Variants in CDH4 observed in about 807,000 individuals in gnomAD.
CDH4 encodes cadherin-4.
CDH4 carries 33 observed loss-of-function variants against 86.0 expected under a neutral mutation model. That is an observed-to-expected ratio of 0.38 (90% CI 0.29 to 0.51). The LOEUF (loss-of-function observed/expected upper bound fraction) is 0.51, where lower values mean the gene tolerates loss of function less well. Ranked by LOEUF, CDH4 falls within the 20% of genes least tolerant of loss-of-function variation. The pLI is 0.86. For synonymous variants in CDH4, 555 were observed against 549.4 expected (o/e 1.01, Z -0.14); for missense variants, 1,114 against 1,307.4 (o/e 0.85, Z 2.28).
At chr20:61,925,483 G>A (rs2055035228) in intron 11 of CDH4, among the ~76,000 whole-genome samples, 2 of 152,220 alleles carry the variant, frequency 1.3e-5, no homozygotes, top group Admixed American at 6.5e-5. Flanking sequence ...CACTGAGGAA[G>A]GGCCTGGCTC....
intron 2 of CDH4, among the ~76,000 whole-genome samples, chr20:61,585,957 T>A (rs184814938): frequency 1.5e-3 from 208 of 140,738 alleles, no homozygotes; most frequent in Non-Finnish European, 2.6e-3. Context: ...ATGAGGAGGA[T>A]GATGGTGATG....
At chr20:61,695,583 T>C (rs1211457278) in intron 2 of CDH4, among the ~76,000 whole-genome samples, 2 of 152,130 alleles carry the variant, frequency 1.3e-5, no homozygotes, top group East Asian at 3.9e-4. Flanking sequence ...CTCGGGACCT[T>C]GTGAGGTTCC....
At chr20:61,923,044 G>T (rs1043347872) in intron 9 of CDH4, among the ~76,000 whole-genome samples, 4 of 152,182 alleles carry the variant, frequency 2.6e-5, no homozygotes, top group African/African-American at 9.7e-5. Context: ...CTGACCCTCC[G>T]CAACTGGTGA....
intron 4 of CDH4, among the ~76,000 whole-genome samples, chr20:61,777,280 G>C (rs1021779577): frequency 6.6e-6 from 1 of 152,050 alleles, no homozygotes; most frequent in Admixed American, 6.5e-5. Flanking sequence ...AGTGATAGAC[G>C]TGATCTCAGT....
chr20:61,293,272 A>G (rs2123187454), intron 2 of CDH4, among the ~76,000 whole-genome samples: 1 of 152,254 alleles, frequency 6.6e-6, no homozygotes, highest in East Asian at 1.9e-4. Context: ...GAGGAGGATG[A>G]GGGTGGATGA....
chr20:61,510,407 GC>G lies in CDH4; in HGVS notation c.170-233152del, dbSNP rs1804494701. 6.6e-6 allele frequency among the ~76,000 whole-genome samples: 1 copy of G among 152,198 alleles called. No individual in the cohort carries two copies. Among genetic ancestry groups the G allele is most frequent in the South Asian group, 2.1e-4 (1 of 4,826 alleles). ...TTTGTGTGGAAGCTGGAGTTGGCCA[GC>G]CCCTGCCTTAGCCTCTGTCAAAGAG... is the stretch of plus-strand genomic sequence containing the variant. On this transcript the variant is annotated intron_variant, in intron 2 of 15. Transcript: ENST00000614565. The surrounding 1 kb of genome is among the most constrained non-coding windows in gnomAD (Gnocchi z 4.2).
chr20:61,350,525 G>A lies in CDH4; in HGVS notation c.169+95588G>A, dbSNP rs143419029. On this transcript the variant is annotated intron_variant, in intron 2 of 15. Transcript: ENST00000614565. ...CTCCCCCAGTGCTGCAGAGGCCAGC[G>A]GAACACCTCTGACCTTGCCTCTCCC... 2.9e-3 allele frequency among the ~76,000 whole-genome samples: 373 copies of A among 127,200 alleles called. 17 individuals are homozygous for A. Among genetic ancestry groups the A allele is most frequent in the African/African-American group, 8.5e-3 (252 of 29,702 alleles). The allele number at this position is 127,200 out of a possible 152,430, so 83.4% of individuals were successfully genotyped here. A position where few individuals can be genotyped will look rare whatever the true frequency, so the allele number is the denominator to read the frequency against.
chr20:61,671,152 G>A (rs1020877429), intron 2 of CDH4, among the ~76,000 whole-genome samples: 1 of 151,980 alleles, frequency 6.6e-6, no homozygotes, highest in African/African-American at 2.4e-5. Context: ...GGGTGGATGG[G>A]TGGGTGGATC....
intron 2 of CDH4, among the ~76,000 whole-genome samples, chr20:61,512,232 G>A (rs1273145423): frequency 6.6e-6 from 1 of 152,076 alleles, no homozygotes; most frequent in Non-Finnish European, 1.5e-5. Context: ...GTGGGCAGTC[G>A]CCTCACCAGG....
intron 2 of CDH4, among the ~76,000 whole-genome samples, chr20:61,453,680 T>C (rs1324857894): frequency 6.6e-6 from 1 of 152,216 alleles, no homozygotes; most frequent in Non-Finnish European, 1.5e-5. Flanking sequence ...AACCAAATAC[T>C]TGGCCTATCT....
At chr20:61,884,925 A>C (rs1474905280) in intron 7 of CDH4, among the ~76,000 whole-genome samples, 1 of 152,080 alleles carries the variant, frequency 6.6e-6, no homozygotes, top group Non-Finnish European at 1.5e-5. Flanking sequence ...AAGAGTAGGC[A>C]TAGGGTAGGC....
chr20:61,321,888 A>G (rs889406449), intron 2 of CDH4, among the ~76,000 whole-genome samples: 13 of 152,044 alleles, frequency 8.6e-5, no homozygotes, highest in Admixed American at 2.0e-4. Context: ...TACAATAAGC[A>G]TAACAATATA....
intron 2 of CDH4, among the ~76,000 whole-genome samples, chr20:61,572,387 G>A (rs1445321901): frequency 7.9e-5 from 12 of 152,226 alleles, no homozygotes; most frequent in African/African-American, 2.4e-4. Context: ...AGTGGGAGAC[G>A]CAAGGGAAGG....
chr20:61,394,442 T>G (rs1447116890), intron 2 of CDH4, among the ~76,000 whole-genome samples: 1 of 152,162 alleles, frequency 6.6e-6, no homozygotes, highest in Non-Finnish European at 1.5e-5. Context: ...CCTGGAAAGA[T>G]GTGTATTTCT....
In CDH4 at chr20:61,518,494, T is replaced by C. The variant is rs2085841839; in HGVS notation, c.170-225069T>C. Among the ~76,000 whole-genome samples, 1 of 151,684 alleles carries C rather than the reference T, an allele frequency of 6.6e-6. No individual in the cohort carries two copies. The highest frequency in any genetic ancestry group is 2.4e-5 in the African/African-American group (1 of 41,266). On this transcript the variant is annotated intron_variant, in intron 2 of 15. Coordinates refer to ENST00000614565, the MANE Select transcript of CDH4 (RefSeq NM_001794.5). This position sits in a 1 kb window ranked among gnomAD's most constrained non-coding sequence, Gnocchi z 6.3. ...CATCCATCCATCCTTCCATCATTGA[T>C]TCATCATCCATCCATCCGTCCATCT...
At chr20:61,730,747 T>C (rs1199258794) in intron 2 of CDH4, among the ~76,000 whole-genome samples, 1 of 152,174 alleles carries the variant, frequency 6.6e-6, no homozygotes, top group Non-Finnish European at 1.5e-5. Context: ...GACACTCGAC[T>C]GCATCCCTGT....
chr20:61,556,038 C>A (rs917093058), intron 2 of CDH4, among the ~76,000 whole-genome samples: 4 of 152,118 alleles, frequency 2.6e-5, no homozygotes, highest in Admixed American at 6.5e-5. Context: ...CCGGTGCACC[C>A]CATGGTGGGC....
chr20:61,513,749 G>A (rs967752702), intron 2 of CDH4, among the ~76,000 whole-genome samples: 2 of 152,150 alleles, frequency 1.3e-5, no homozygotes, highest in East Asian at 1.9e-4. Flanking sequence ...GGTGAGAAGC[G>A]ACCACCCCTT....
intron 2 of CDH4, among the ~76,000 whole-genome samples, chr20:61,508,005 G>A (rs1162742860): frequency 6.6e-6 from 1 of 152,218 alleles, no homozygotes; most frequent in Non-Finnish European, 1.5e-5. Context: ...GTCAGGATGG[G>A]GTTGTATCCT....
Sources: allele counts gnomAD v4.1 joint callset (sites outside exome capture counted in the v4.1 genomes callset), GRCh38; gene constraint gnomAD v4.1.1; non-coding constraint Gnocchi (gnomAD v3.1); transcripts MANE v1.5; gene names NCBI Gene and HGNC (gene_info 2026-07-23, HGNC 2026-07-21).